The following DPCD variants were observed in gnomAD, a reference collection of about 807,000 sequenced individuals.
DPCD encodes deleted in primary ciliary dyskinesia homolog (mouse), also known as protein DPCD.
A neutral mutation model predicts 26.4 loss-of-function variants in DPCD; 20 were observed. The ratio of observed to expected loss-of-function variants is 0.76; its 90% CI spans 0.53 to 1.10. The LOEUF (loss-of-function observed/expected upper bound fraction) is 1.10, where lower values mean the gene tolerates loss of function less well. Among genes scored for constraint, DPCD ranks in the 50% least tolerant of loss-of-function variants. DPCD has a pLI of 0.00. For missense variants in DPCD, 202 were observed against 253.9 expected, an observed-to-expected ratio of 0.80 and a Z score of 1.39; for synonymous variants, 97 against 94.2, an observed-to-expected ratio of 1.03 and a Z score of -0.17.
chr10:101,606,621 C>G (rs1278622516), intron 4 of DPCD, among the ~76,000 whole-genome samples: 1 of 152,178 alleles, frequency 6.6e-6, no homozygotes, highest in South Asian at 2.1e-4. Context: ...CCGCCCTCTT[C>G]TTCATCCTTA....
Position 101,600,968 on chromosome 10 carries a change from A to C in DPCD, c.270+106A>C. 6.4e-7 allele frequency: 1 copy of C among 1,560,746 alleles called. No homozygotes were observed. Among genetic ancestry groups the C allele is most frequent in the South Asian group, 1.2e-5 (1 of 85,726 alleles). On this transcript the variant is annotated intron_variant, in intron 3 of 5. Coordinates refer to ENST00000370151, the MANE Select transcript of DPCD (RefSeq NM_015448.3). The surrounding 1 kb of genome is among the most constrained non-coding windows in gnomAD (Gnocchi z 4.7). ...ATGTCTTGTTCACCTCCTCGCCTCC[A>C]GTGTGCCACCTGGACACAGCACTCT...
At position 101,601,213 on chromosome 10, in the gene DPCD, T is replaced by C. The variant is rs746036169; in HGVS notation, c.281T>C (p.Met94Thr). The C allele has an allele frequency of 2.5e-6, 4 of 1,613,694 alleles. No individual in the cohort carries two copies. In the South Asian group the frequency reaches 4.4e-5, roughly 18 times the overall value. Residue 94 changes from methionine to threonine, a missense_variant, in exon 4 of 6, where the codon ATG becomes ACG. Transcript: ENST00000370151. ...IKESNANPIF[M>T]RKDTKMSFQW... ...ATTTGCCTTCTGCAGCCTATCTTCA[T>C]GCGCAAGGACACCAAGATGAGTTTC...
At chr10:101,589,040 G>T (rs2063543512) in intron 1 of DPCD, among the ~76,000 whole-genome samples, 2 of 152,362 alleles carry the variant, frequency 1.3e-5, no homozygotes, top group Admixed American at 1.3e-4. Flanking sequence ...CCCACCCTAG[G>T]ATTGGCCGAT....
chr10:101,597,163 C>T (rs892057305), intron 2 of DPCD, among the ~76,000 whole-genome samples: 3 of 152,224 alleles, frequency 2.0e-5, no homozygotes, highest in Non-Finnish European at 2.9e-5. Flanking sequence ...GGCCATCCCC[C>T]AGCGATTACA....
In DPCD at chr10:101,603,801, G is replaced by T. The variant is rs959883192; in HGVS notation, c.404+2465G>T. On this transcript the variant is annotated intron_variant, in intron 4 of 5. Coordinates refer to ENST00000370151, the MANE Select transcript of DPCD (RefSeq NM_015448.3). This position sits in a 1 kb window ranked among gnomAD's most constrained non-coding sequence, Gnocchi z 4.6. ...GAGTCTTGCCCTATTGCCCAGGCTA[G>T]AGTCCACTTCTTGCAATCATAGCTC... 6.6e-6 allele frequency among the ~76,000 whole-genome samples: 1 copy of T among 151,992 alleles called. No individual in the cohort carries two copies. The highest frequency in any genetic ancestry group is 6.6e-5 in the Admixed American group (1 of 15,260).
chr10:101,594,425 G>T (rs11191055), intron 1 of DPCD, among the ~76,000 whole-genome samples: 37,491 of 152,058 alleles, frequency 0.25, 4,943 homozygotes, highest in Non-Finnish European at 0.3. Context: ...AGCTGTTGCT[G>T]GTAGAGGAAA....
rs71016333 is a variant in DPCD at position 101,598,611 on chromosome 10, C to CTTTTTTT, written c.146-2103_146-2097dup. On this transcript the variant is annotated intron_variant, in intron 2 of 5. Coordinates refer to ENST00000370151, the MANE Select transcript of DPCD (RefSeq NM_015448.3). ...AATACAGACATTGGGTAGATGCTTTCTTTTTTTTTTTTTTTTTTTTTTTTT... is the reference window on the plus strand; with the variant it reads ...AATACAGACATTGGGTAGATGCTTTCTTTTTTTTTTTTTTTTTTTTTTTTTTTTTTTT... Among the ~76,000 whole-genome samples the CTTTTTTT allele has an allele frequency of 1.8e-3, 132 of 74,978 alleles. 15 individuals are homozygous for CTTTTTTT. The highest frequency in any genetic ancestry group is 2.4e-3 in the Non-Finnish European group (98 of 41,238). 49.2% of individuals were successfully genotyped at this position (74,978 alleles called of 152,430 possible). A position where few individuals can be genotyped will look rare whatever the true frequency, so the allele number is the denominator to read the frequency against.
intron 1 of DPCD, among the ~76,000 whole-genome samples, chr10:101,592,896 C>T (rs1429095496): frequency 2.0e-5 from 3 of 151,222 alleles, no homozygotes; most frequent in South Asian, 2.1e-4. Context: ...CACCTGTAGT[C>T]CCAGCTACTC....
chr10:101,598,366 C>T (rs1342308772), intron 2 of DPCD, among the ~76,000 whole-genome samples: 1 of 151,926 alleles, frequency 6.6e-6, no homozygotes, highest in Non-Finnish European at 1.5e-5. Flanking sequence ...AAAACAGAAA[C>T]CTTTCAAAAT....
intron 5 of DPCD, 96 bp from the exon 6 acceptor site, chr10:101,609,270 CA>C: frequency 8.7e-7 from 1 of 1,147,712 alleles, no homozygotes; most frequent in South Asian, 1.4e-5. Flanking sequence ...TTTTCTCGTG[CA>C]AATAAGGGGA....
chr10:101,600,920 G>A lies in DPCD; in HGVS notation c.270+58G>A, dbSNP rs2063691607. 3.7e-6 allele frequency: 6 copies of A among 1,609,318 alleles called. No individual in the cohort carries two copies. Among genetic ancestry groups the A allele is most frequent in the Non-Finnish European group, 4.2e-6 (5 of 1,178,798 alleles). On this transcript the variant is annotated intron_variant, in intron 3 of 5. Coordinates refer to ENST00000370151, the MANE Select transcript of DPCD (RefSeq NM_015448.3). The surrounding 1 kb of genome is among the most constrained non-coding windows in gnomAD (Gnocchi z 4.7). ...CTGAGGTGGGGGTGGGCTGTGGGCTGCTGGCTCTTGAGGGCAGGGACCATG... is the reference window on the plus strand; with the variant it reads ...CTGAGGTGGGGGTGGGCTGTGGGCTACTGGCTCTTGAGGGCAGGGACCATG...
At chr10:101,590,237 C>A (rs2063594570) in intron 1 of DPCD, among the ~76,000 whole-genome samples, 1 of 152,086 alleles carries the variant, frequency 6.6e-6, no homozygotes, top group African/African-American at 2.4e-5. Context: ...TCAGTCAGAA[C>A]AAACCACCTA....
Position 101,600,680 on chromosome 10 carries a change from T to C in DPCD, c.146-58T>C. 3.2e-6 allele frequency: 5 copies of C among 1,573,040 alleles called. No homozygotes were observed. The highest frequency in any genetic ancestry group is 4.3e-6 in the Non-Finnish European group (5 of 1,160,872). On this transcript the variant is annotated intron_variant, in intron 2 of 5. Transcript: ENST00000370151. The surrounding 1 kb of genome is among the most constrained non-coding windows in gnomAD (Gnocchi z 4.7). ...ATTCAGCAGAAAAGAGCAGAGACCC[T>C]CTCTTCACTCTCATCCTGATGCTTG... is the stretch of plus-strand genomic sequence containing the variant.
At chr10:101,609,137 AG>A (rs1423679309) in intron 5 of DPCD, 200 bp downstream of exon 5, 1 of 641,350 alleles carries the variant, frequency 1.6e-6, no homozygotes, top group African/African-American at 1.8e-5. Flanking sequence ...ATTCACAGCT[AG>A]AAGAGGGTAG....
chr10:101,598,702 A>T (rs2063671660), intron 2 of DPCD, among the ~76,000 whole-genome samples: 1 of 128,070 alleles, frequency 7.8e-6, no homozygotes, highest in Admixed American at 1.1e-4. Flanking sequence ...TCAGCTCACC[A>T]CAGCCTCCAC....
rs147002121 is a variant in DPCD at position 101,603,454 on chromosome 10, T to A, written c.404+2118T>A. Among the ~76,000 whole-genome samples the A allele has an allele frequency of 2.5e-3, 385 of 151,954 alleles. 3 individuals carry two copies. The highest frequency in any genetic ancestry group is 7.4e-3 in the African/African-American group (309 of 41,506). On this transcript the variant is annotated intron_variant, in intron 4 of 5. Coordinates refer to ENST00000370151, the MANE Select transcript of DPCD (RefSeq NM_015448.3). This position sits in a 1 kb window ranked among gnomAD's most constrained non-coding sequence, Gnocchi z 4.6. ...TATTTTTATTTTTATTTATTTATTT[T>A]TTTTTTAAGAGATGGAGTCTTGGCT...
intron 2 of DPCD, 135 bp downstream of exon 2, chr10:101,594,873 GACA>G (rs936983415): frequency 1.3e-5 from 10 of 773,014 alleles, no homozygotes; most frequent in African/African-American, 8.7e-5. Flanking sequence ...AAGCCCTCGA[GACA>G]ACAACGTTCC....
chr10:101,605,689 G>A (rs1435983837), intron 4 of DPCD, among the ~76,000 whole-genome samples: 1 of 152,198 alleles, frequency 6.6e-6, no homozygotes, highest in African/African-American at 2.4e-5. Context: ...GACCCCAGGG[G>A]AGACAACCTG....
At chr10:101,607,783 G>C (rs1241036712) in intron 4 of DPCD, among the ~76,000 whole-genome samples, 1 of 152,224 alleles carries the variant, frequency 6.6e-6, no homozygotes, top group Non-Finnish European at 1.5e-5. Context: ...CTCTGCAGCA[G>C]AAAGTGATGC....
Sources: gnomAD v4.1 joint callset for allele counts (sites outside exome capture counted in the v4.1 genomes callset) on GRCh38, gnomAD v4.1.1 for gene constraint, Gnocchi (gnomAD v3.1) non-coding constraint, MANE v1.5 for transcripts, NCBI Gene and HGNC (gene_info 2026-07-23, HGNC 2026-07-21) for gene names.